GTF2F2: variants seen among roughly 807,000 people sequenced by gnomAD.
GTF2F2 encodes general transcription factor IIF subunit 2.
GTF2F2 carries 23 observed loss-of-function variants against 42.2 expected under a neutral mutation model. That is an observed-to-expected ratio of 0.55 (90% CI 0.39 to 0.77). GTF2F2 has a LOEUF of 0.77. GTF2F2 is among the 30% of genes least tolerant of loss of function. GTF2F2 has a pLI of 0.00. For missense variants in GTF2F2, 261 were observed against 287.2 expected (o/e 0.91, Z 0.66); for synonymous variants, 105 against 100.8 (o/e 1.04, Z -0.25).
chr13:45,155,846 C>T (rs1168053313), intron 4 of GTF2F2, among the ~76,000 whole-genome samples: 1 of 152,194 alleles, frequency 6.6e-6, no homozygotes, highest in East Asian at 1.9e-4. Flanking sequence ...TTTGGCCTTA[C>T]ATTTCCCTGC....
intron 4 of GTF2F2, among the ~76,000 whole-genome samples, chr13:45,171,264 A>G (rs1357869328): frequency 6.6e-6 from 1 of 151,758 alleles, no homozygotes; most frequent in African/African-American, 2.4e-5. Context: ...TTTTTAGTAG[A>G]GATGGAGTTT....
At chr13:45,175,601 T>C (rs1871837964) in intron 4 of GTF2F2, among the ~76,000 whole-genome samples, 1 of 152,202 alleles carries the variant, frequency 6.6e-6, no homozygotes, top group Non-Finnish European at 1.5e-5. Flanking sequence ...TCAGTTCTCT[T>C]CCTTCTTGGA....
chr13:45,217,364 A>C (rs542460099), intron 5 of GTF2F2, among the ~76,000 whole-genome samples: 4 of 151,822 alleles, frequency 2.6e-5, no homozygotes, highest in Non-Finnish European at 4.4e-5. Flanking sequence ...CTTCACACAG[A>C]ATAAGTACCA....
intron 5 of GTF2F2, among the ~76,000 whole-genome samples, chr13:45,237,464 G>A (rs1472203076): frequency 1.3e-5 from 2 of 152,128 alleles, no homozygotes; most frequent in Non-Finnish European, 2.9e-5. Flanking sequence ...TTCAATATGG[G>A]TACTGGAGTG....
chr13:45,166,435 A>AG (rs1400910156), intron 4 of GTF2F2, among the ~76,000 whole-genome samples: 1 of 152,166 alleles, frequency 6.6e-6, no homozygotes, highest in Non-Finnish European at 1.5e-5. Flanking sequence ...GAACTGTTTG[A>AG]GGGATTTGGC....
intron 5 of GTF2F2, among the ~76,000 whole-genome samples, chr13:45,244,258 T>C (rs1325994023): frequency 6.6e-6 from 1 of 151,906 alleles, no homozygotes; most frequent in Non-Finnish European, 1.5e-5. Flanking sequence ...GATTTTATTC[T>C]GTTATATGAC....
chr13:45,261,065 G>A (rs1448900325), intron 6 of GTF2F2, among the ~76,000 whole-genome samples: 1 of 152,116 alleles, frequency 6.6e-6, no homozygotes, highest in Non-Finnish European at 1.5e-5. Context: ...GACGGAGGCT[G>A]CAGTGAGGTG....
At chr13:45,121,268 G>T (rs2138079087) in intron 1 of GTF2F2, among the ~76,000 whole-genome samples, 1 of 152,262 alleles carries the variant, frequency 6.6e-6, no homozygotes, top group African/African-American at 2.4e-5. Flanking sequence ...AGCACATTTG[G>T]GTCTCGTGAA....
intron 5 of GTF2F2, among the ~76,000 whole-genome samples, chr13:45,215,908 T>A (rs1303862114): frequency 6.6e-6 from 1 of 152,112 alleles, no homozygotes; most frequent in Non-Finnish European, 1.5e-5. Context: ...GATTTACTAT[T>A]GTGATGAAAC....
At chr13:45,242,495 A>G (rs778017149) in intron 5 of GTF2F2, among the ~76,000 whole-genome samples, 6 of 152,042 alleles carry the variant, frequency 3.9e-5, no homozygotes, top group Non-Finnish European at 8.8e-5. Flanking sequence ...ATTGCAATCA[A>G]ATGCACAAAA....
chr13:45,202,217 T>C (rs1006941558), intron 4 of GTF2F2, among the ~76,000 whole-genome samples: 5 of 151,660 alleles, frequency 3.3e-5, no homozygotes, highest in Admixed American at 6.6e-5. Flanking sequence ...CAAAACCCCA[T>C]CTCCACTAAA....
chr13:45,235,992 G>C (rs996311122), intron 5 of GTF2F2, among the ~76,000 whole-genome samples: 1 of 152,174 alleles, frequency 6.6e-6, no homozygotes, highest in African/African-American at 2.4e-5. Context: ...AAATAGAAAA[G>C]AGGGACTGAA....
At position 45,280,904 on chromosome 13, in the gene GTF2F2, T is replaced by G. The variant is rs577967390; in HGVS notation, c.631-2538T>G. Among the ~76,000 whole-genome samples, 13 of 152,362 alleles carry G rather than the reference T, an allele frequency of 8.5e-5. No individual in the cohort carries two copies. In the South Asian group the frequency reaches 2.5e-3, roughly 29 times the overall value. On this transcript the variant is annotated intron_variant, in intron 7 of 7. Coordinates refer to ENST00000340473, the MANE Select transcript of GTF2F2 (RefSeq NM_004128.3). ...TGCAGTGCATCCACAATTGTATGGT[T>G]GTTTGTGCAACATCGTCTTAGCCAG...
intron 4 of GTF2F2, among the ~76,000 whole-genome samples, chr13:45,199,886 G>A (rs1340812299): frequency 1.4e-4 from 22 of 152,150 alleles, no homozygotes. Flanking sequence ...GTGATGAGGT[G>A]GTGTGGAGAA....
At position 45,240,565 on chromosome 13, in the gene GTF2F2, C is replaced by T. The variant is rs528062737; in HGVS notation, c.387-12306C>T. On this transcript the variant is annotated intron_variant, in intron 5 of 7. Transcript: ENST00000340473. Reference sequence around the variant, plus strand: ...ATTACTGGCCGGGCAGAGTGGCTCACACCTGTAATCCCAGCACTTTGGGAG... The same window carrying T: ...ATTACTGGCCGGGCAGAGTGGCTCATACCTGTAATCCCAGCACTTTGGGAG... Among the ~76,000 whole-genome samples, 21 of 152,298 alleles carry T rather than the reference C, an allele frequency of 1.4e-4. No homozygotes were observed. In the East Asian group the frequency reaches 2.7e-3, roughly 20 times the overall value.
chr13:45,191,794 C>G (rs1335657898), intron 4 of GTF2F2, among the ~76,000 whole-genome samples: 1 of 152,058 alleles, frequency 6.6e-6, no homozygotes, highest in East Asian at 1.9e-4. Flanking sequence ...GATACAAGTT[C>G]TAAAAGATGC....
intron 5 of GTF2F2, among the ~76,000 whole-genome samples, chr13:45,215,621 TGTAGTG>T (rs571001970): frequency 3.3e-5 from 5 of 151,888 alleles, no homozygotes; most frequent in African/African-American, 1.2e-4. Context: ...ATTAGCCACA[TGTAGTG>T]GCAGGTGCCT....
intron 5 of GTF2F2, among the ~76,000 whole-genome samples, chr13:45,216,617 A>G (rs1451315943): frequency 1.3e-5 from 2 of 152,026 alleles, no homozygotes; most frequent in Admixed American, 6.5e-5. Flanking sequence ...CCCTGGGTTC[A>G]AGCAGTTCTC....
chr13:45,213,387 A>G (rs1873773585), intron 5 of GTF2F2, among the ~76,000 whole-genome samples: 1 of 152,066 alleles, frequency 6.6e-6, no homozygotes, highest in Non-Finnish European at 1.5e-5. Context: ...GCTTCTACCT[A>G]GGATTTCTTA....
Sources: allele counts gnomAD v4.1 joint callset (sites outside exome capture counted in the v4.1 genomes callset), GRCh38; gene constraint gnomAD v4.1.1; transcripts MANE v1.5; gene names NCBI Gene and HGNC (gene_info 2026-07-23, HGNC 2026-07-21).